CRPPA: variants seen among roughly 807,000 people sequenced by gnomAD.
The protein encoded by CRPPA is D-ribitol-5-phosphate cytidylyltransferase.
Under a neutral mutation model 52.0 loss-of-function variants are expected in CRPPA, and 43 were observed. The observed-to-expected ratio is 0.83, with a 90% confidence interval of 0.65 to 1.07. The LOEUF (loss-of-function observed/expected upper bound fraction) is 1.07. Among genes scored for constraint, CRPPA ranks in the 50% least tolerant of loss-of-function variants. The probability of loss-of-function intolerance (pLI) is 0.00; values close to 1 mark genes in which losing one functional copy is unlikely to be tolerated. For missense variants in CRPPA, 629 were observed against 551.7 expected (o/e 1.14, Z -1.40); for synonymous variants, 250 against 203.5 (o/e 1.23, Z -1.94).
intron 2 of CRPPA, among the ~76,000 whole-genome samples, chr7:16,382,770 C>A (rs1407291476): frequency 6.6e-6 from 1 of 152,098 alleles, no homozygotes; most frequent in African/African-American, 2.4e-5. Context: ...ACCCTTTCTT[C>A]CAGTTGATCG....
chr7:16,364,566 G>A lies in CRPPA; in HGVS notation c.684+11526C>T, dbSNP rs549226990. On this transcript the variant is annotated intron_variant, in intron 3 of 9. Transcript: ENST00000407010. Reference sequence around the variant, plus strand: ...AATGTTGTGTAGAAGCAGCAGACTTGCAGGTTGCTCAGTGAAATTGGCATG... The same window carrying A: ...AATGTTGTGTAGAAGCAGCAGACTTACAGGTTGCTCAGTGAAATTGGCATG... 2.0e-5 allele frequency among the ~76,000 whole-genome samples: 3 copies of A among 152,292 alleles called. No individual in the cohort carries two copies. The East Asian group carries it at 5.8e-4, about 29-fold the overall frequency.
intron 2 of CRPPA, among the ~76,000 whole-genome samples, chr7:16,378,517 A>G (rs1326683763): frequency 2.0e-5 from 3 of 151,778 alleles, no homozygotes; most frequent in Admixed American, 6.6e-5. Flanking sequence ...TCATTGTTGG[A>G]CATTTGGGTT....
chr7:16,097,302 A>T lies in CRPPA; in HGVS notation c.1252-5503T>A, dbSNP rs144592770. Among the ~76,000 whole-genome samples, 83 of 152,286 alleles carry T rather than the reference A, an allele frequency of 5.5e-4. No individual in the cohort carries two copies. In the East Asian group the frequency reaches 0.016, roughly 29 times the overall value. Reference sequence around the variant, plus strand: ...TGTAACAATTGTTCACTGAGATCTTAAAGAGTTTCATAATAGCTGTGTTTT... The same window carrying T: ...TGTAACAATTGTTCACTGAGATCTTTAAGAGTTTCATAATAGCTGTGTTTT... On this transcript the variant is annotated intron_variant, in intron 9 of 9. Transcript: ENST00000407010.
At chr7:16,280,152 C>G (rs1044843342) in intron 5 of CRPPA, among the ~76,000 whole-genome samples, 4 of 152,156 alleles carry the variant, frequency 2.6e-5, no homozygotes, top group Non-Finnish European at 5.9e-5. Context: ...CATGAGAATT[C>G]AAGATGAGAT....
chr7:16,413,332 G>A (rs754400799), intron 1 of CRPPA, among the ~76,000 whole-genome samples: 2 of 152,126 alleles, frequency 1.3e-5, no homozygotes, highest in Non-Finnish European at 2.9e-5. Flanking sequence ...GTTCCATGCG[G>A]TCCTTTGGAA....
intron 5 of CRPPA, among the ~76,000 whole-genome samples, chr7:16,293,161 C>G (rs80102435): frequency 0.037 from 5,557 of 151,864 alleles, 342 homozygotes; most frequent in African/African-American, 0.12. Flanking sequence ...GATCCTCAAG[C>G]AGGTGGGCAA....
At chr7:16,101,590 TA>T (rs555368704) in intron 9 of CRPPA, among the ~76,000 whole-genome samples, 48 of 149,330 alleles carry the variant, frequency 3.2e-4, no homozygotes, top group African/African-American at 5.6e-4. Context: ...GTTAATCTTT[TA>T]AAAAAAAAAC....
intron 8 of CRPPA, among the ~76,000 whole-genome samples, chr7:16,257,160 C>T (rs1355856765): frequency 6.6e-6 from 1 of 152,036 alleles, no homozygotes; most frequent in Non-Finnish European, 1.5e-5. Flanking sequence ...GGAAACCAAA[C>T]CTCAGAACAA....
At chr7:16,148,781 T>C (rs573826135) in intron 9 of CRPPA, among the ~76,000 whole-genome samples, 1 of 152,242 alleles carries the variant, frequency 6.6e-6, no homozygotes, top group Non-Finnish European at 1.5e-5. Flanking sequence ...TTAGCTATTA[T>C]AATTTTTGCA....
chr7:16,326,624 G>C (rs192975805), intron 3 of CRPPA, among the ~76,000 whole-genome samples: 77 of 152,266 alleles, frequency 5.1e-4, no homozygotes, highest in African/African-American at 1.8e-3. Flanking sequence ...AAAATTCTGT[G>C]TATATTATGT....
chr7:16,268,496 T>C (rs1430442396), intron 6 of CRPPA, among the ~76,000 whole-genome samples: 2 of 152,140 alleles, frequency 1.3e-5, no homozygotes, highest in Non-Finnish European at 1.5e-5. Context: ...TTGCAATATT[T>C]ATACATAAAA....
intron 3 of CRPPA, among the ~76,000 whole-genome samples, chr7:16,362,826 C>T (rs915074930): frequency 3.9e-5 from 6 of 152,050 alleles, no homozygotes; most frequent in Non-Finnish European, 7.4e-5. Context: ...ATTTATTTTA[C>T]TCTTCCTTTT....
At chr7:16,097,980 A>G (rs1781968492) in intron 9 of CRPPA, among the ~76,000 whole-genome samples, 1 of 152,246 alleles carries the variant, frequency 6.6e-6, no homozygotes, top group South Asian at 2.1e-4. Flanking sequence ...TTCTCAAAGG[A>G]TAACTTCGGG....
chr7:16,181,913 G>A (rs1781419852), intron 9 of CRPPA, among the ~76,000 whole-genome samples: 1 of 151,728 alleles, frequency 6.6e-6, no homozygotes, highest in South Asian at 2.1e-4. Context: ...AGGTTTTTAA[G>A]CTGTTTAATA....
At chr7:16,255,667 A>T (rs1263231946) in intron 8 of CRPPA, among the ~76,000 whole-genome samples, 1 of 152,192 alleles carries the variant, frequency 6.6e-6, no homozygotes, top group Non-Finnish European at 1.5e-5. Flanking sequence ...ATCTTTCACA[A>T]ACCCGACAAA....
intron 2 of CRPPA, among the ~76,000 whole-genome samples, chr7:16,397,764 A>C (rs1787646983): frequency 6.6e-6 from 1 of 152,166 alleles, no homozygotes; most frequent in Non-Finnish European, 1.5e-5. Context: ...TTGGCACGTG[A>C]TTGGCACGTG....
chr7:16,189,495 G>A (rs1165038729), intron 9 of CRPPA, among the ~76,000 whole-genome samples: 3 of 152,164 alleles, frequency 2.0e-5, no homozygotes, highest in African/African-American at 4.8e-5. Flanking sequence ...CTAGATAGTT[G>A]AGCAAGAGCT....
At chr7:16,097,048 A>G (rs191372797) in intron 9 of CRPPA, among the ~76,000 whole-genome samples, 1 of 152,320 alleles carries the variant, frequency 6.6e-6, no homozygotes, top group African/African-American at 2.4e-5. Context: ...TTGTTGTCAT[A>G]GAAAATCAAT....
intron 1 of CRPPA, among the ~76,000 whole-genome samples, chr7:16,408,412 A>G (rs555349549): frequency 1.3e-5 from 2 of 152,188 alleles, no homozygotes; most frequent in Non-Finnish European, 2.9e-5. Flanking sequence ...GGCCATGGCA[A>G]GGTCCTCATG....
Sources: gnomAD v4.1 joint callset for allele counts (sites outside exome capture counted in the v4.1 genomes callset) on GRCh38, gnomAD v4.1.1 for gene constraint, MANE v1.5 for transcripts, NCBI Gene and HGNC (gene_info 2026-07-23, HGNC 2026-07-21) for gene names.